DOK6: variants seen among roughly 807,000 people sequenced by gnomAD.
DOK6 encodes the protein downstream of tyrosine kinase 6.
Under a neutral mutation model 44.0 loss-of-function variants are expected in DOK6, and 22 were observed. The observed-to-expected ratio is 0.50, with a 90% CI of 0.36 to 0.71. DOK6 has a LOEUF of 0.71. Among genes scored for constraint, DOK6 ranks in the 30% least tolerant of loss-of-function variants. The probability of loss-of-function intolerance (pLI) is 0.00; values close to 1 mark genes in which losing one functional copy is unlikely to be tolerated. For synonymous variants in DOK6, 166 were observed against 145.5 expected, an observed-to-expected ratio of 1.14 and a Z score of -1.01; for missense variants, 340 against 416.4, an observed-to-expected ratio of 0.82 and a Z score of 1.60.
chr18:69,821,117 A>G (rs1005621937), intron 7 of DOK6, among the ~76,000 whole-genome samples: 1 of 152,174 alleles, frequency 6.6e-6, no homozygotes, highest in Non-Finnish European at 1.5e-5. Context: ...TTGTTAATAC[A>G]ATCATGTGAA....
chr18:69,822,365 G>A (rs531625429), intron 7 of DOK6, among the ~76,000 whole-genome samples: 2 of 152,216 alleles, frequency 1.3e-5, no homozygotes, highest in Non-Finnish European at 2.9e-5. Context: ...CTGGGTCAGA[G>A]ACAATGGGCA....
chr18:69,403,493 G>T (rs1916141407), intron 1 of DOK6, among the ~76,000 whole-genome samples: 1 of 152,116 alleles, frequency 6.6e-6, no homozygotes, highest in South Asian at 2.1e-4. Flanking sequence ...TTTGTAAAGT[G>T]CAGCCTTCAT....
intron 4 of DOK6, among the ~76,000 whole-genome samples, chr18:69,696,477 AT>A (rs1192069784): frequency 6.6e-6 from 1 of 152,216 alleles, no homozygotes; most frequent in Non-Finnish European, 1.5e-5. Context: ...CATTTTGGCA[AT>A]TATTTTTTCG....
chr18:69,744,627 C>T (rs1568113346), intron 6 of DOK6, among the ~76,000 whole-genome samples: 1 of 151,968 alleles, frequency 6.6e-6, no homozygotes. Context: ...TAAACAACAA[C>T]AACAAAACCT....
intron 5 of DOK6, among the ~76,000 whole-genome samples, chr18:69,722,437 C>T (rs1369801038): frequency 6.6e-6 from 1 of 152,154 alleles, no homozygotes. Flanking sequence ...GTTTTAGAGA[C>T]AGCTACTATA....
chr18:69,721,847 C>G (rs1465702844), intron 5 of DOK6, among the ~76,000 whole-genome samples: 4 of 152,136 alleles, frequency 2.6e-5, no homozygotes, highest in Non-Finnish European at 5.9e-5. Flanking sequence ...ACAGTGCTGT[C>G]TTTTTAAATA....
chr18:69,460,002 C>G (rs950463238), intron 1 of DOK6, among the ~76,000 whole-genome samples: 1 of 152,128 alleles, frequency 6.6e-6, no homozygotes, highest in Non-Finnish European at 1.5e-5. Flanking sequence ...CAATTTATCT[C>G]ATTAGTCGTT....
chr18:69,745,800 A>C (rs117020592), intron 6 of DOK6, among the ~76,000 whole-genome samples: 1 of 152,272 alleles, frequency 6.6e-6, no homozygotes, highest in Non-Finnish European at 1.5e-5. Context: ...GTAAAAGCTC[A>C]GTAATTATGA....
At chr18:69,630,027 A>G (rs1984654349) in intron 3 of DOK6, among the ~76,000 whole-genome samples, 1 of 152,096 alleles carries the variant, frequency 6.6e-6, no homozygotes, top group African/African-American at 2.4e-5. Context: ...CAGCCTCCCA[A>G]TGTGCCTATG....
intron 6 of DOK6, among the ~76,000 whole-genome samples, chr18:69,742,755 G>A (rs1237955922): frequency 6.6e-6 from 1 of 152,186 alleles, no homozygotes; most frequent in African/African-American, 2.4e-5. Context: ...GTACTGCTCA[G>A]AACAAGATTA....
At chr18:69,477,991 C>T (rs1191177456) in intron 1 of DOK6, among the ~76,000 whole-genome samples, 3 of 152,100 alleles carry the variant, frequency 2.0e-5, no homozygotes, top group Admixed American at 1.3e-4. Context: ...TTATCGTTAA[C>T]AAATGGTAAG....
chr18:69,474,937 A>T (rs996062970), intron 1 of DOK6, among the ~76,000 whole-genome samples: 1 of 152,218 alleles, frequency 6.6e-6, no homozygotes, highest in African/African-American at 2.4e-5. Context: ...CAATGTATCC[A>T]TTCTAGATAC....
At chr18:69,713,190 T>G (rs942208248) in intron 5 of DOK6, among the ~76,000 whole-genome samples, 2 of 152,180 alleles carry the variant, frequency 1.3e-5, no homozygotes, top group African/African-American at 4.8e-5. Flanking sequence ...TCATGATTAA[T>G]CCAGTTGTGG....
intron 3 of DOK6, among the ~76,000 whole-genome samples, chr18:69,632,498 G>A (rs867401648): frequency 1.3e-5 from 2 of 152,038 alleles, no homozygotes; most frequent in Admixed American, 1.3e-4. Context: ...GATAACATCG[G>A]TGTATCAGAA....
chr18:69,715,736 G>C (rs1183902503), intron 5 of DOK6, among the ~76,000 whole-genome samples: 1 of 152,188 alleles, frequency 6.6e-6, no homozygotes, highest in African/African-American at 2.4e-5. Context: ...TTAGAAACCA[G>C]TCAGATCAGG....
At chr18:69,813,444 T>A (rs1208470483) in intron 7 of DOK6, among the ~76,000 whole-genome samples, 2 of 152,078 alleles carry the variant, frequency 1.3e-5, no homozygotes, top group Non-Finnish European at 2.9e-5. Flanking sequence ...TCCCTAATGT[T>A]TCTATGCTTA....
intron 1 of DOK6, among the ~76,000 whole-genome samples, chr18:69,459,182 AT>A (rs1387106241): frequency 2.2e-4 from 16 of 72,638 alleles, no homozygotes; most frequent in East Asian, 4.6e-4. Flanking sequence ...TCAAAAAAAA[AT>A]ATTTTGTGTG....
At chr18:69,612,399 TTGTGTGCGAGGGC>T (rs1984165161) in intron 3 of DOK6, among the ~76,000 whole-genome samples, 2 of 62,412 alleles carry the variant, frequency 3.2e-5, no homozygotes, top group African/African-American at 5.9e-5. Context: ...CGAAGAGACT[TTGTGTGCGAGGGC>T]GCATGTGTGC....
At chr18:69,620,779 A>G (rs908479088) in intron 3 of DOK6, among the ~76,000 whole-genome samples, 1 of 152,208 alleles carries the variant, frequency 6.6e-6, no homozygotes, top group Non-Finnish European at 1.5e-5. Flanking sequence ...GTTTTTCACA[A>G]TCCTATTCAT....
Sources: allele counts gnomAD v4.1 joint callset (sites outside exome capture counted in the v4.1 genomes callset), GRCh38; gene constraint gnomAD v4.1.1; transcripts MANE v1.5; gene names NCBI Gene and HGNC (gene_info 2026-07-23, HGNC 2026-07-21).